TPX2: variants seen among roughly 807,000 people sequenced by gnomAD.
The protein encoded by TPX2 is TPX2 microtubule nucleation factor.
TPX2 carries 21 observed loss-of-function variants against 93.6 expected under a neutral mutation model. The observed-to-expected ratio is 0.22, with a 90% CI of 0.16 to 0.32. The LOEUF (loss-of-function observed/expected upper bound fraction) is 0.32, where lower values mean the gene tolerates loss of function less well. Ranked by LOEUF, TPX2 falls within the 10% of genes least tolerant of loss-of-function variation. The pLI is 1.00. For missense variants in TPX2, 776 were observed against 871.1 expected (o/e 0.89, Z 1.37); for synonymous variants, 281 against 298.3 (o/e 0.94, Z 0.60).
chr20:31,753,794 G>A (rs1342755241), intron 2 of TPX2, among the ~76,000 whole-genome samples: 2 of 152,132 alleles, frequency 1.3e-5, no homozygotes, highest in Non-Finnish European at 2.9e-5. Context: ...GGGTGGCCGA[G>A]GCAGGCAGAT....
Position 31,792,764 on chromosome 20 carries a change from C to T in TPX2, c.1443C>T (p.Ile481=). The T allele has an allele frequency of 1.2e-6, 2 of 1,614,226 alleles. No homozygotes were observed. The highest frequency in any genetic ancestry group is 1.7e-6 in the Non-Finnish European group (2 of 1,180,046). Residue 481 remains isoleucine (I), a synonymous_variant, in exon 13 of 18, where the codon ATC becomes ATT. Coordinates refer to ENST00000300403, the MANE Select transcript of TPX2 (RefSeq NM_012112.5). The part of the protein sequence containing the change: ...VGVPEKKVLP[I]TVPKSPAFAL... ...TTCCTGAAAAGAAGGTACTTCCAAT[C>T]ACCGTCCCCAAGTCACCAGCCTTTG...
At chr20:31,760,216 A>G in intron 4 of TPX2, 37 bp downstream of exon 4, 3 of 1,610,726 alleles carry the variant, frequency 1.9e-6, no homozygotes, top group Admixed American at 1.7e-5. Flanking sequence ...CCTTGATAGA[A>G]TGGTGGGACA....
chr20:31,799,275 G>A (rs1411508961), intron 17 of TPX2, among the ~76,000 whole-genome samples: 4 of 152,152 alleles, frequency 2.6e-5, no homozygotes, highest in African/African-American at 9.7e-5. Context: ...ATGGAACTTC[G>A]TATGATAAAT....
intron 1 of TPX2, among the ~76,000 whole-genome samples, chr20:31,741,726 G>C (rs1002059423): frequency 4.6e-5 from 7 of 152,120 alleles, no homozygotes; most frequent in Non-Finnish European, 8.8e-5. Flanking sequence ...TAATCTGCCT[G>C]CCTCGGCCTC....
intron 17 of TPX2, among the ~76,000 whole-genome samples, chr20:31,799,908 A>G (rs2123106335): frequency 6.6e-6 from 1 of 151,188 alleles, no homozygotes; most frequent in East Asian, 1.9e-4. Context: ...AAAAAAAAAA[A>G]AAAAAAAAAA....
intron 16 of TPX2, 152 bp from the exon 17 acceptor site, chr20:31,798,213 A>G (rs1158184030): frequency 3.3e-6 from 3 of 913,860 alleles, no homozygotes; most frequent in South Asian, 3.4e-5. Flanking sequence ...AACTTTTTGT[A>G]TTTAGTTGGC....
At chr20:31,773,784 G>A (rs78638364) in intron 7 of TPX2, among the ~76,000 whole-genome samples, 7,992 of 152,052 alleles carry the variant, frequency 0.053, 263 homozygotes, top group Middle Eastern at 0.11. Flanking sequence ...TATGATTCAT[G>A]ACTACAATTT....
chr20:31,756,992 G>T (rs1191890035), intron 2 of TPX2, among the ~76,000 whole-genome samples: 2 of 152,014 alleles, frequency 1.3e-5, no homozygotes, highest in East Asian at 3.8e-4. Flanking sequence ...ATTACTTAAA[G>T]ATAATTTTTA....
intron 5 of TPX2, 80 bp downstream of exon 5, chr20:31,766,762 G>A: frequency 8.1e-7 from 1 of 1,236,348 alleles, no homozygotes; most frequent in South Asian, 1.7e-5. Flanking sequence ...TCTATTATGT[G>A]TCTATACTGT....
intron 3 of TPX2, among the ~76,000 whole-genome samples, chr20:31,758,718 A>G (rs2061867825): frequency 6.6e-6 from 1 of 152,144 alleles, no homozygotes; most frequent in Admixed American, 6.6e-5. Context: ...AAGGACTTTA[A>G]TGGCATCTAG....
intron 12 of TPX2, among the ~76,000 whole-genome samples, chr20:31,786,409 T>TTTGTTGTTTTTTG (rs1555787878): frequency 6.8e-6 from 1 of 146,930 alleles, no homozygotes; most frequent in Non-Finnish European, 1.5e-5. Context: ...TGTTTTTTTT[T>TTTGTTGTTTTTTG]TTTTTTGAGA....
intron 2 of TPX2, among the ~76,000 whole-genome samples, chr20:31,753,391 A>G (rs566012846): frequency 1.3e-5 from 2 of 152,326 alleles, no homozygotes; most frequent in Admixed American, 6.5e-5. Flanking sequence ...ATTGTTTTGC[A>G]TATCAGAAAG....
At chr20:31,749,602 CCTGGCCAA>C (rs2061805999) in intron 2 of TPX2, among the ~76,000 whole-genome samples, 1 of 151,796 alleles carries the variant, frequency 6.6e-6, no homozygotes, top group Admixed American at 6.6e-5. Flanking sequence ...TCAAGACCAG[CCTGGCCAA>C]CATGGTGAAA....
At chr20:31,784,711 C>CT (rs1339539176) in intron 12 of TPX2, among the ~76,000 whole-genome samples, 1 of 152,194 alleles carries the variant, frequency 6.6e-6, no homozygotes, top group Non-Finnish European at 1.5e-5. Flanking sequence ...CCACTGGAAA[C>CT]TGTTTCAGAG....
intron 13 of TPX2, 149 bp downstream of exon 13, chr20:31,792,979 T>G: frequency 1.4e-6 from 1 of 701,994 alleles, no homozygotes; most frequent in East Asian, 2.6e-5. Flanking sequence ...TGTTCATTTT[T>G]TTTGTTCCTC....
chr20:31,781,253 C>CTTATTT (rs2062031510), intron 10 of TPX2, among the ~76,000 whole-genome samples: 1 of 116,774 alleles, frequency 8.6e-6, no homozygotes, highest in African/African-American at 3.6e-5. Context: ...GGCCTTATAT[C>CTTATTT]TTTTTTTTTT....
Position 31,787,929 on chromosome 20 carries a change from A to C in TPX2, c.1413+4008A>C, listed in dbSNP as rs1600389621. On this transcript the variant is annotated intron_variant, in intron 12 of 17. Coordinates refer to ENST00000300403, the MANE Select transcript of TPX2 (RefSeq NM_012112.5). ...TAGGGTGAAGAACTTGGGGCCCCCA[A>C]GGAATTTTCAAGTGGGCAAATTGTG... Among the ~76,000 whole-genome samples, 3 of 152,318 alleles carry C rather than the reference A, an allele frequency of 2.0e-5. No individual in the cohort carries two copies. The Middle Eastern group carries it at 0.01, about 518-fold the overall frequency.
chr20:31,761,347 G>T (rs768961730), intron 4 of TPX2, among the ~76,000 whole-genome samples: 1 of 151,766 alleles, frequency 6.6e-6, no homozygotes, highest in Admixed American at 6.6e-5. Flanking sequence ...GATTACAGGC[G>T]CCCACCAGCA....
rs187382705 is a variant in TPX2, at chr20:31,794,542, G to A, written c.1827G>A (p.Lys609=). 1 of 1,613,536 alleles carries A rather than the reference G, an allele frequency of 6.2e-7. No homozygotes were observed. ...GTGCTCTGAAGGCACAGACTTGGAA[G>A]CACCAGGTAGGGGATGGGGAGAGCA... ...RRGALKAQTW[K]HQLEEELRQQ... The change falls in exon 15 of 18, where the codon AAG becomes AAA. Residue 609 remains lysine, a synonymous_variant. Transcript: ENST00000300403.
Sources: allele counts gnomAD v4.1 joint callset (sites outside exome capture counted in the v4.1 genomes callset), GRCh38; gene constraint gnomAD v4.1.1; transcripts MANE v1.5; gene names NCBI Gene and HGNC (gene_info 2026-07-23, HGNC 2026-07-21).